Variants in TTLL9 observed in about 807,000 individuals in gnomAD.
TTLL9 encodes probable tubulin polyglutamylase TTLL9.
In TTLL9, 47 loss-of-function variants were observed where a neutral mutation model predicts 65.6. The ratio of observed to expected loss-of-function variants is 0.72; its 90% CI spans 0.57 to 0.91. The LOEUF (loss-of-function observed/expected upper bound fraction) is 0.91, where lower values mean the gene tolerates loss of function less well. Among genes scored for constraint, TTLL9 ranks in the 40% least tolerant of loss-of-function variants. The pLI is 0.00. For missense variants in TTLL9, 537 were observed against 568.8 expected (o/e 0.94, Z 0.57); for synonymous variants, 179 against 204.8 (o/e 0.87, Z 1.07).
intron 7 of TTLL9, among the ~76,000 whole-genome samples, chr20:31,921,296 T>G (rs1460977908): frequency 6.6e-6 from 1 of 152,196 alleles, no homozygotes; most frequent in African/African-American, 2.4e-5. Context: ...CCAGTTAGAA[T>G]GGCGATCATT....
chr20:31,937,333 T>A, intron 12 of TTLL9, 63 bp from the exon 13 acceptor site: 1 of 1,214,668 alleles, frequency 8.2e-7, no homozygotes, highest in Non-Finnish European at 1.2e-6. Context: ...AGCCTCTCAG[T>A]GAAATCCTAG....
At chr20:31,894,621 G>A (rs2063356158) in intron 3 of TTLL9, among the ~76,000 whole-genome samples, 1 of 151,806 alleles carries the variant, frequency 6.6e-6, no homozygotes. Context: ...TCTGGATATT[G>A]TGTATGAAAA....
chr20:31,875,924 A>G (rs1260556675), intron 2 of TTLL9, among the ~76,000 whole-genome samples: 1 of 152,198 alleles, frequency 6.6e-6, no homozygotes, highest in African/African-American at 2.4e-5. Context: ...ACTCACGAGG[A>G]TTGGCTATGG....
intron 10 of TTLL9, among the ~76,000 whole-genome samples, chr20:31,927,920 A>C (rs886977985): frequency 6.6e-6 from 1 of 152,116 alleles, no homozygotes; most frequent in Non-Finnish European, 1.5e-5. Context: ...GACCTTTCTG[A>C]GTATTTTTTG....
At chr20:31,909,618 G>A (rs934535126) in intron 5 of TTLL9, 119 bp from the exon 6 acceptor site, 1 of 832,528 alleles carries the variant, frequency 1.2e-6, no homozygotes, top group Admixed American at 2.5e-5. Context: ...TACTCTTACT[G>A]TTGCTATTTT....
rs1194726635 is a variant in TTLL9 at position 31,937,748 on chromosome 20, G to C, written c.1118+239G>C. ...TACAGCTTTCTGAGACAGTCCAGCA[G>C]GATTTCCTCGAAACCTCCTGACTGT... On this transcript the variant is annotated intron_variant, in intron 13 of 14. Coordinates refer to ENST00000535842, the MANE Select transcript of TTLL9 (RefSeq NM_001008409.5). Among the ~76,000 whole-genome samples, 5 of 152,040 alleles carry C rather than the reference G, an allele frequency of 3.3e-5. No individual in the cohort carries two copies. The East Asian group carries it at 9.7e-4, about 29-fold the overall frequency.
In TTLL9 at chr20:31,943,954, T is replaced by G. The variant is rs974889381; in HGVS notation, c.*933T>G. 1.5e-4 allele frequency: 59 copies of G among 404,208 alleles called. No individual in the cohort carries two copies. In the East Asian group the frequency reaches 3.4e-3, roughly 23 times the overall value. The allele number at this position is 404,208 out of a possible 1,614,324, so 25.0% of individuals were successfully genotyped here. ...TTGGGGTAACTGTTCCAGGGGGGACTTACTCCCTCTACCACTCCGCCTGCT... is the reference window on the plus strand; with the variant it reads ...TTGGGGTAACTGTTCCAGGGGGGACGTACTCCCTCTACCACTCCGCCTGCT... On this transcript the variant is annotated 3_prime_UTR_variant, in exon 15 of 15. Transcript: ENST00000535842.
chr20:31,880,254 C>T (rs927585042), intron 2 of TTLL9, among the ~76,000 whole-genome samples: 3 of 152,110 alleles, frequency 2.0e-5, no homozygotes, highest in Non-Finnish European at 4.4e-5. Flanking sequence ...GCGAAACCCG[C>T]CTGCCCGTCC....
intron 3 of TTLL9, among the ~76,000 whole-genome samples, chr20:31,889,420 C>A (rs1039580661): frequency 8.7e-5 from 13 of 148,994 alleles, no homozygotes; most frequent in Non-Finnish European, 1.6e-4. Context: ...GCCAGTGCAC[C>A]TGGCTAATTT....
intron 5 of TTLL9, among the ~76,000 whole-genome samples, chr20:31,909,013 G>T (rs900265812): frequency 3.3e-5 from 5 of 151,814 alleles, no homozygotes; most frequent in Admixed American, 6.6e-5. Context: ...GTGGAGGCAA[G>T]TTGAGAAGTT....
At chr20:31,917,964 A>T (rs2063759870) in intron 6 of TTLL9, among the ~76,000 whole-genome samples, 1 of 151,696 alleles carries the variant, frequency 6.6e-6, no homozygotes, top group South Asian at 2.1e-4. Context: ...TGGGAGGGAG[A>T]GTTGTGTGTC....
rs985967235 is a variant in TTLL9 at position 31,943,216 on chromosome 20, T to C, written c.*195T>C. On this transcript the variant is annotated 3_prime_UTR_variant, in exon 15 of 15. Transcript: ENST00000535842. The stretch of plus-strand genomic sequence containing the variant: ...ACCTCCAGCCCATCCCCAGGCATCT[T>C]TGCACCAGGAGACAGCCAATCACTG... 1 of 610,898 alleles carries C rather than the reference T, an allele frequency of 1.6e-6. No individual in the cohort carries two copies. The highest frequency in any genetic ancestry group is 1.8e-5 in the African/African-American group (1 of 54,446). The allele number at this position is 610,898 out of a possible 1,614,324, so 37.8% of individuals were successfully genotyped here. A position where few individuals can be genotyped will look rare whatever the true frequency, so the allele number is the denominator to read the frequency against.
chr20:31,916,609 G>C (rs2063737483), intron 6 of TTLL9, among the ~76,000 whole-genome samples: 1 of 152,212 alleles, frequency 6.6e-6, no homozygotes, highest in African/African-American at 2.4e-5. Context: ...GGATGTGCTA[G>C]ATGATGCCAC....
At chr20:31,912,603 A>G (rs6089116) in intron 6 of TTLL9, among the ~76,000 whole-genome samples, 2,518 of 141,046 alleles carry the variant, frequency 0.018, 35 homozygotes, top group Non-Finnish European at 0.025. Flanking sequence ...GTGTATGTGT[A>G]TGTGTGTGTG....
chr20:31,872,677 C>T (rs552992130), intron 2 of TTLL9, among the ~76,000 whole-genome samples: 7 of 152,084 alleles, frequency 4.6e-5, no homozygotes, highest in South Asian at 2.1e-4. Flanking sequence ...GGTGACAGAG[C>T]GAGACCTTGT....
chr20:31,882,547 ATAAAAT>A (rs1352260131), intron 2 of TTLL9, among the ~76,000 whole-genome samples: 4 of 152,186 alleles, frequency 2.6e-5, no homozygotes, highest in African/African-American at 9.7e-5. Flanking sequence ...CCAACGAGAA[ATAAAAT>A]TAAAGTTCTC....
At chr20:31,892,751 A>G (rs912971307) in intron 3 of TTLL9, among the ~76,000 whole-genome samples, 3 of 152,306 alleles carry the variant, frequency 2.0e-5, no homozygotes, top group Non-Finnish European at 4.4e-5. Flanking sequence ...TTCACAACCT[A>G]TGGCTCTAGG....
At chr20:31,942,831 T>C (rs2064236107) in intron 14 of TTLL9, 114 bp from the exon 15 acceptor site, 1 of 953,102 alleles carries the variant, frequency 1.0e-6, no homozygotes, top group South Asian at 1.4e-5. Flanking sequence ...CCACAGGCTG[T>C]GTGTGGTTGT....
chr20:31,908,476 A>T (rs2063593370), intron 4 of TTLL9, 115 bp from the exon 5 acceptor site: 1 of 689,280 alleles, frequency 1.5e-6, no homozygotes, highest in African/African-American at 1.8e-5. Context: ...GAGACTCTAG[A>T]GGGACACAGT....
Sources: allele counts gnomAD v4.1 joint callset (sites outside exome capture counted in the v4.1 genomes callset), GRCh38; gene constraint gnomAD v4.1.1; transcripts MANE v1.5; gene names NCBI Gene and HGNC (gene_info 2026-07-23, HGNC 2026-07-21).